CARNMT1: variants seen among roughly 807,000 people sequenced by gnomAD.
The protein encoded by CARNMT1 is carnosine N-methyltransferase 1.
Under a neutral mutation model 49.6 loss-of-function variants are expected in CARNMT1, and 28 were observed. The ratio of observed to expected loss-of-function variants is 0.56; its 90% CI spans 0.42 to 0.77. The LOEUF (loss-of-function observed/expected upper bound fraction) is 0.77. Among genes scored for constraint, CARNMT1 ranks in the 30% least tolerant of loss-of-function variants. The pLI is 0.00. For missense variants in CARNMT1, 421 were observed against 512.6 expected (o/e 0.82, Z 1.73); for synonymous variants, 178 against 175.0 (o/e 1.02, Z -0.13).
rs1222316922 is a variant in CARNMT1, at chr9:75,028,270, T to C, written c.-29A>G. 6.6e-6 allele frequency: 9 copies of C among 1,353,976 alleles called. No homozygotes were observed. The highest frequency in any genetic ancestry group is 7.6e-6 in the Non-Finnish European group (8 of 1,057,294). The allele number at this position is 1,353,976 out of a possible 1,614,324, so 83.9% of individuals were successfully genotyped here. A position where few individuals can be genotyped will look rare whatever the true frequency, so the allele number is the denominator to read the frequency against. On this transcript the variant is annotated 5_prime_UTR_variant, in exon 1 of 8. Coordinates refer to ENST00000376834, the MANE Select transcript of CARNMT1 (RefSeq NM_152420.3). ...CGCCGCGGCCCTCGGCCTGGCTCGCTTGCGTCTCTCCGCGACCGACAGCGT... is the reference window on the plus strand; with the variant it reads ...CGCCGCGGCCCTCGGCCTGGCTCGCCTGCGTCTCTCCGCGACCGACAGCGT...
At chr9:75,022,213 CTTTTTTTTTTT>C (rs35783706) in intron 1 of CARNMT1, among the ~76,000 whole-genome samples, 15 of 77,008 alleles carry the variant, frequency 1.9e-4, no homozygotes, top group South Asian at 1.6e-3. Flanking sequence ...AGAAGGAATA[CTTTTTTTTTTT>C]TTTTTTTTTT....
intron 3 of CARNMT1, chr9:75,009,703 A>G (rs1833627320): frequency 6.6e-6 from 1 of 152,096 alleles, no homozygotes; most frequent in African/African-American, 2.4e-5. Context: ...CCAGCCCACT[A>G]GTGGCCTAAT....
At chr9:75,000,956 G>T (rs753447228) in intron 3 of CARNMT1, among the ~76,000 whole-genome samples, 4 of 151,996 alleles carry the variant, frequency 2.6e-5, no homozygotes, top group Non-Finnish European at 4.4e-5. Context: ...TAAGGGAACT[G>T]CCATGATGGC....
chr9:74,994,865 G>A (rs7848573), intron 6 of CARNMT1, among the ~76,000 whole-genome samples: 10,648 of 152,008 alleles, frequency 0.07, 654 homozygotes, highest in East Asian at 0.26. Flanking sequence ...CTCCATAATG[G>A]AATTAGCTCT....
intron 6 of CARNMT1, among the ~76,000 whole-genome samples, chr9:74,992,639 A>G (rs1833061381): frequency 6.6e-6 from 1 of 152,226 alleles, no homozygotes; most frequent in African/African-American, 2.4e-5. Flanking sequence ...TATGCATAAT[A>G]GTTCCCTTAA....
At chr9:74,991,837 T>C (rs1464964621) in intron 6 of CARNMT1, among the ~76,000 whole-genome samples, 2 of 152,236 alleles carry the variant, frequency 1.3e-5, no homozygotes, top group Non-Finnish European at 2.9e-5. Flanking sequence ...TTCTAAAAAC[T>C]GGCACATTAT....
chr9:75,026,684 CAT>C (rs1049770557), intron 1 of CARNMT1, among the ~76,000 whole-genome samples: 3 of 152,186 alleles, frequency 2.0e-5, no homozygotes, highest in African/African-American at 7.2e-5. Context: ...TAAATTATTT[CAT>C]CAAGATCTTC....
At chr9:74,992,185 T>C (rs1331381081) in intron 6 of CARNMT1, among the ~76,000 whole-genome samples, 2 of 151,484 alleles carry the variant, frequency 1.3e-5, no homozygotes, top group Middle Eastern at 3.4e-3. Context: ...GGCATAAGAA[T>C]CGCTTGAACC....
intron 4 of CARNMT1, 61 bp from the exon 5 acceptor site, chr9:74,998,837 T>C (rs2118791591): frequency 2.0e-6 from 2 of 1,006,928 alleles, no homozygotes; most frequent in South Asian, 4.5e-5. Context: ...AAATCCACTT[T>C]AAATACTAAA....
chr9:75,008,204 A>C (rs1037164617), intron 3 of CARNMT1, among the ~76,000 whole-genome samples: 2 of 148,722 alleles, frequency 1.3e-5, no homozygotes, highest in Non-Finnish European at 3.0e-5. Flanking sequence ...AAACCCTCAT[A>C]ATGTTTTAAG....
chr9:74,983,907 T>A, intron 7 of CARNMT1, 39 bp from the exon 8 acceptor site: 2 of 1,415,352 alleles, frequency 1.4e-6, no homozygotes, highest in Non-Finnish European at 1.9e-6. Flanking sequence ...ATGACAGTCA[T>A]CATGACCACA....
At chr9:74,999,956 C>A in intron 3 of CARNMT1, 86 bp from the exon 4 acceptor site, 1 of 1,251,640 alleles carries the variant, frequency 8.0e-7, no homozygotes. Flanking sequence ...AAAACTTACT[C>A]ATTTACTCAA....
intron 3 of CARNMT1, among the ~76,000 whole-genome samples, chr9:75,014,245 T>C (rs914352725): frequency 1.3e-5 from 2 of 152,164 alleles, no homozygotes; most frequent in African/African-American, 4.8e-5. Context: ...CTCCTTTTAG[T>C]AGGTTTCTTT....
At chr9:75,002,591 GCTTCTTTTAAAAA>G (rs1833394142) in intron 3 of CARNMT1, among the ~76,000 whole-genome samples, 1 of 152,086 alleles carries the variant, frequency 6.6e-6, no homozygotes, top group Admixed American at 6.5e-5. Context: ...AAATAAAATT[GCTTCTTTTAAAAA>G]ATATGGCTGC....
chr9:75,019,513 T>C (rs1436175482), intron 1 of CARNMT1, among the ~76,000 whole-genome samples: 2 of 152,148 alleles, frequency 1.3e-5, no homozygotes, highest in Non-Finnish European at 2.9e-5. Flanking sequence ...CCTGATAACA[T>C]TAAAGTCTAA....
At chr9:74,991,976 T>C (rs1200480827) in intron 6 of CARNMT1, among the ~76,000 whole-genome samples, 4 of 151,994 alleles carry the variant, frequency 2.6e-5, no homozygotes, top group Non-Finnish European at 5.9e-5. Flanking sequence ...GGAATCTCGT[T>C]TTAAAAAATT....
intron 6 of CARNMT1, among the ~76,000 whole-genome samples, chr9:74,988,937 C>A (rs1243985178): frequency 1.3e-5 from 2 of 152,188 alleles, no homozygotes; most frequent in Admixed American, 1.3e-4. Context: ...TTTACATCCC[C>A]ACTAACAGAA....
At chr9:75,028,341 A>T, upstream of CARNMT1, 1 of 1,308,754 alleles carries the variant, frequency 7.6e-7, no homozygotes, top group Non-Finnish European at 9.7e-7. Flanking sequence ...CGCCGCGGAC[A>T]TGCCCCCAGC....
chr9:75,005,811 C>A (rs1833489809), intron 3 of CARNMT1, among the ~76,000 whole-genome samples: 1 of 140,916 alleles, frequency 7.1e-6, no homozygotes, highest in African/African-American at 2.7e-5. Context: ...TTAGAAAAGG[C>A]CTTCAGTGAA....
Sources: allele counts gnomAD v4.1 joint callset (sites outside exome capture counted in the v4.1 genomes callset), GRCh38; gene constraint gnomAD v4.1.1; transcripts MANE v1.5; gene names NCBI Gene and HGNC (gene_info 2026-07-23, HGNC 2026-07-21).